WDR72: variants seen among roughly 807,000 people sequenced by gnomAD.
The protein encoded by WDR72 is WD repeat domain 72.
Under a neutral mutation model 124.2 loss-of-function variants are expected in WDR72, and 120 were observed. The ratio of observed to expected loss-of-function variants is 0.97; its 90% CI spans 0.83 to 1.12. WDR72 has a LOEUF of 1.12. WDR72 is among the 50% of genes most tolerant of loss of function. The pLI is 0.00. For missense variants in WDR72, 1,387 were observed against 1,278.8 expected (o/e 1.08, Z -1.29); for synonymous variants, 452 against 441.7 (o/e 1.02, Z -0.29).
intron 14 of WDR72, among the ~76,000 whole-genome samples, chr15:53,647,651 G>T (rs1291208167): frequency 6.6e-6 from 1 of 151,950 alleles, no homozygotes; most frequent in African/African-American, 2.4e-5. Flanking sequence ...CATTAGCTCT[G>T]TCTCTGTGTA....
At chr15:53,759,836 G>GCCTCCCTC (rs541904114), upstream of WDR72, among the ~76,000 whole-genome samples, 8 of 151,162 alleles carry the variant, frequency 5.3e-5, no homozygotes, top group East Asian at 3.9e-4. Context: ...TGGACCCGCT[G>GCCTCCCTC]CCTCCCTCCC....
intron 1 of WDR72, chr15:53,759,277 A>G (rs1282633243): frequency 6.6e-6 from 1 of 152,164 alleles, no homozygotes; most frequent in Non-Finnish European, 1.5e-5. Context: ...AAATTATCCT[A>G]ATAGGGAAAG....
intron 14 of WDR72, among the ~76,000 whole-genome samples, chr15:53,621,746 T>C (rs2014003702): frequency 6.6e-6 from 1 of 151,874 alleles, no homozygotes; most frequent in African/African-American, 2.4e-5. Flanking sequence ...CTAAAGCATT[T>C]AATCATGTCA....
intron 9 of WDR72, among the ~76,000 whole-genome samples, chr15:53,706,367 T>C (rs1417510627): frequency 9.9e-5 from 5 of 50,640 alleles, no homozygotes; most frequent in Admixed American, 4.2e-4. Context: ...TATATATATA[T>C]ATATATATAT....
intron 17 of WDR72, among the ~76,000 whole-genome samples, chr15:53,608,413 G>A (rs2013382039): frequency 6.6e-6 from 1 of 152,140 alleles, no homozygotes; most frequent in African/African-American, 2.4e-5. Flanking sequence ...AAATAAGCCA[G>A]GCACAGATAC....
chr15:53,656,043 C>T (rs2015409721), intron 14 of WDR72, among the ~76,000 whole-genome samples: 1 of 152,076 alleles, frequency 6.6e-6, no homozygotes, highest in Non-Finnish European at 1.5e-5. Flanking sequence ...GGGCAATATG[C>T]GAAGACATAG....
At chr15:53,531,050 A>G (rs572087476) in intron 18 of WDR72, among the ~76,000 whole-genome samples, 6 of 152,182 alleles carry the variant, frequency 3.9e-5, no homozygotes, top group Non-Finnish European at 7.4e-5. Flanking sequence ...TAGGAAATGG[A>G]AAATAAGAAA....
intron 18 of WDR72, among the ~76,000 whole-genome samples, chr15:53,542,518 G>A (rs1434559577): frequency 7.1e-5 from 3 of 42,312 alleles, no homozygotes; most frequent in African/African-American, 9.5e-5. Context: ...AGGAACAACC[G>A]GTACCAGTCG....
At chr15:53,553,755 G>A (rs575535876) in intron 18 of WDR72, among the ~76,000 whole-genome samples, 4 of 152,290 alleles carry the variant, frequency 2.6e-5, no homozygotes, top group Admixed American at 6.5e-5. Flanking sequence ...GATAACGGAT[G>A]TAGAAGTACA....
intron 18 of WDR72, among the ~76,000 whole-genome samples, chr15:53,535,652 A>G (rs970860013): frequency 6.6e-6 from 1 of 152,196 alleles, no homozygotes; most frequent in African/African-American, 2.4e-5. Flanking sequence ...TGTCCAATTT[A>G]GAGGCATTTG....
At chr15:53,660,218 CT>C (rs1299448586) in intron 14 of WDR72, among the ~76,000 whole-genome samples, 4 of 131,490 alleles carry the variant, frequency 3.0e-5, no homozygotes, top group Admixed American at 6.9e-5. Context: ...AATATTTGTT[CT>C]TTTTTTATAG....
At chr15:53,724,044 T>C (rs772359782) in intron 2 of WDR72, among the ~76,000 whole-genome samples, 18 of 152,118 alleles carry the variant, frequency 1.2e-4, no homozygotes, top group Non-Finnish European at 2.2e-4. Context: ...TTACGCTAAA[T>C]AAAATAATCC....
chr15:53,592,163 C>T (rs1413356251), intron 18 of WDR72, among the ~76,000 whole-genome samples: 4 of 152,046 alleles, frequency 2.6e-5, no homozygotes, highest in Non-Finnish European at 4.4e-5. Flanking sequence ...GAGAAAGCCC[C>T]AGACCTCACT....
chr15:53,692,078 GA>G (rs934448935), intron 13 of WDR72, among the ~76,000 whole-genome samples: 1 of 152,164 alleles, frequency 6.6e-6, no homozygotes, highest in African/African-American at 2.4e-5. Flanking sequence ...GTTAACCCCA[GA>G]AATGTAATTA....
At chr15:53,581,588 T>C (rs781374919) in intron 18 of WDR72, among the ~76,000 whole-genome samples, 3 of 152,102 alleles carry the variant, frequency 2.0e-5, no homozygotes, top group Admixed American at 6.6e-5. Context: ...AAGTTACTGA[T>C]GAACCTTAGC....
At chr15:53,701,686 T>C (rs1373546786) in intron 12 of WDR72, among the ~76,000 whole-genome samples, 3 of 152,110 alleles carry the variant, frequency 2.0e-5, no homozygotes, top group Non-Finnish European at 4.4e-5. Context: ...TGCAGTAGCA[T>C]GATCTCAGCT....
intron 14 of WDR72, among the ~76,000 whole-genome samples, chr15:53,636,478 G>A (rs891850193): frequency 6.6e-6 from 1 of 152,098 alleles, no homozygotes; most frequent in African/African-American, 2.4e-5. Context: ...GGGAGGAACA[G>A]ATTCTCCCAA....
intron 18 of WDR72, among the ~76,000 whole-genome samples, chr15:53,574,380 G>A (rs1452352894): frequency 6.6e-6 from 1 of 152,088 alleles, no homozygotes; most frequent in Non-Finnish European, 1.5e-5. Context: ...ATTATTTACA[G>A]CCTAATAATG....
chr15:53,754,980 C>A (rs769162009), intron 1 of WDR72, among the ~76,000 whole-genome samples: 3 of 152,214 alleles, frequency 2.0e-5, no homozygotes, highest in Non-Finnish European at 2.9e-5. Flanking sequence ...GCTATTTCAA[C>A]CCCTTTTGGT....
Sources: gnomAD v4.1 joint callset for allele counts (sites outside exome capture counted in the v4.1 genomes callset) on GRCh38, gnomAD v4.1.1 for gene constraint, MANE v1.5 for transcripts, NCBI Gene and HGNC (gene_info 2026-07-23, HGNC 2026-07-21) for gene names.